The following GABRG3 variants were observed in gnomAD, a reference collection of about 807,000 sequenced individuals.
GABRG3 encodes gamma-aminobutyric acid receptor subunit gamma-3.
A neutral mutation model predicts 48.8 loss-of-function variants in GABRG3; 25 were observed. That is an observed-to-expected ratio of 0.51 (90% CI 0.37 to 0.72). The LOEUF is 0.72. Among genes scored for constraint, GABRG3 ranks in the 30% least tolerant of loss-of-function variants. GABRG3 has a pLI of 0.00. For synonymous variants in GABRG3, 227 were observed against 217.6 expected, an observed-to-expected ratio of 1.04 and a Z score of -0.38; for missense variants, 394 against 577.9, an observed-to-expected ratio of 0.68 and a Z score of 3.26.
chr15:27,358,185 A>G (rs1410370620), intron 5 of GABRG3, among the ~76,000 whole-genome samples: 2 of 152,210 alleles, frequency 1.3e-5, no homozygotes, highest in African/African-American at 2.4e-5. Flanking sequence ...TTGTTTTCTT[A>G]GAAGTGACAG....
chr15:27,338,908 A>G (rs74391840), intron 5 of GABRG3, among the ~76,000 whole-genome samples: 8,341 of 152,248 alleles, frequency 0.055, 444 homozygotes, highest in African/African-American at 0.14. Flanking sequence ...TTAGTCATCC[A>G]AATGCTTCAT....
Position 27,223,753 on chromosome 15 carries a change from C to T in GABRG3, c.271-103056C>T, listed in dbSNP as rs1424821577. ...CTTCACACTCACTGTGCTCTTGCCT[C>T]CCCTGCTGGGCAACACTCAGGTGAA... On this transcript the variant is annotated intron_variant, in intron 3 of 9. Transcript: ENST00000615808. 2.0e-5 allele frequency among the ~76,000 whole-genome samples: 3 copies of T among 152,284 alleles called. No homozygotes were observed. In the East Asian group the frequency reaches 5.8e-4, roughly 29 times the overall value.
intron 3 of GABRG3, among the ~76,000 whole-genome samples, chr15:27,316,387 C>CA (rs749930128): frequency 0.061 from 2,472 of 40,218 alleles, 139 homozygotes; most frequent in African/African-American, 0.11. Flanking sequence ...GACTCCGTCT[C>CA]AAAAAAAAAA....
At chr15:27,106,997 C>T (rs1897461291) in intron 3 of GABRG3, among the ~76,000 whole-genome samples, 1 of 152,030 alleles carries the variant, frequency 6.6e-6, no homozygotes. Flanking sequence ...TTCAATTTTA[C>T]ACATTCCTTT....
chr15:27,499,881 T>TGGGAGGA (rs1430159075), intron 6 of GABRG3, among the ~76,000 whole-genome samples: 1 of 152,164 alleles, frequency 6.6e-6, no homozygotes, highest in African/African-American at 2.4e-5. Context: ...ACCCAAAGGA[T>TGGGAGGA]GGGAGGAGCT....
chr15:27,096,517 G>A (rs2140761545), intron 3 of GABRG3, among the ~76,000 whole-genome samples: 1 of 152,318 alleles, frequency 6.6e-6, no homozygotes, highest in East Asian at 1.9e-4. Context: ...CTTAGGACAA[G>A]GATCTCTGCA....
At chr15:27,263,351 T>A (rs1890820506) in intron 3 of GABRG3, among the ~76,000 whole-genome samples, 1 of 152,156 alleles carries the variant, frequency 6.6e-6, no homozygotes, top group Admixed American at 6.5e-5. Flanking sequence ...CTGCAATATG[T>A]AATGCTGTTT....
intron 5 of GABRG3, among the ~76,000 whole-genome samples, chr15:27,388,154 GGAA>G (rs1306352095): frequency 1.2e-5 from 1 of 85,912 alleles, no homozygotes; most frequent in South Asian, 5.2e-4. Flanking sequence ...AAGGAAGGAA[GGAA>G]GAAAGGAAGG....
chr15:27,026,731 C>T lies in GABRG3; in HGVS notation c.203-23C>T. On this transcript the variant is annotated intron_variant, in intron 2 of 9. Transcript: ENST00000615808. ...GTCTTTCTCCGGCACGAAGTATTAACATACATGTATTTTTCTCCACAGTAA... is the reference window on the plus strand; with the variant it reads ...GTCTTTCTCCGGCACGAAGTATTAATATACATGTATTTTTCTCCACAGTAA... 2 of 1,587,166 alleles carry T rather than the reference C, an allele frequency of 1.3e-6. 1 individual carries two copies. The highest frequency in any genetic ancestry group is 2.3e-5 in the South Asian group (2 of 88,534).
intron 5 of GABRG3, among the ~76,000 whole-genome samples, chr15:27,391,533 C>T (rs1239011957): frequency 2.0e-5 from 3 of 152,084 alleles, no homozygotes; most frequent in Admixed American, 1.3e-4. Context: ...TAACACCTTC[C>T]CTGTATTCGT....
intron 5 of GABRG3, among the ~76,000 whole-genome samples, chr15:27,339,040 C>T (rs1229198665): frequency 1.3e-5 from 2 of 152,198 alleles, no homozygotes; most frequent in East Asian, 3.9e-4. Flanking sequence ...GGCCTTCCCC[C>T]ATGTCTTTTG....
intron 6 of GABRG3, among the ~76,000 whole-genome samples, chr15:27,509,915 C>A (rs2150857986): frequency 6.6e-6 from 1 of 152,276 alleles, no homozygotes; most frequent in East Asian, 1.9e-4. Flanking sequence ...ATAATTTTAT[C>A]TGGAAGCTAG....
intron 3 of GABRG3, among the ~76,000 whole-genome samples, chr15:27,137,460 A>G (rs1368511541): frequency 6.6e-6 from 1 of 152,208 alleles, no homozygotes; most frequent in African/African-American, 2.4e-5. Flanking sequence ...AATGCTGGCA[A>G]GATTCTCTTT....
At chr15:27,020,968 A>G (rs1895883575) in intron 2 of GABRG3, among the ~76,000 whole-genome samples, 1 of 152,220 alleles carries the variant, frequency 6.6e-6, no homozygotes. Flanking sequence ...CAAAAGTAAG[A>G]CAGTGCTAGG....
intron 3 of GABRG3, among the ~76,000 whole-genome samples, chr15:27,155,705 G>A (rs549800178): frequency 6.6e-6 from 1 of 152,264 alleles, no homozygotes; most frequent in South Asian, 2.1e-4. Flanking sequence ...GATAGGGAGG[G>A]AGTTCTAGCT....
At chr15:27,018,692 A>C (rs571852103) in intron 2 of GABRG3, among the ~76,000 whole-genome samples, 107 of 152,268 alleles carry the variant, frequency 7.0e-4, no homozygotes, top group Middle Eastern at 3.4e-3. Flanking sequence ...TTGGACCTTA[A>C]CTGAGCTGGA....
At chr15:27,141,916 T>G (rs183253736) in intron 3 of GABRG3, among the ~76,000 whole-genome samples, 1 of 152,222 alleles carries the variant, frequency 6.6e-6, no homozygotes, top group African/African-American at 2.4e-5. Context: ...TCTTTGCCAT[T>G]GCTTTCTGTC....
At chr15:27,078,673 AAG>A (rs1383032751) in intron 3 of GABRG3, among the ~76,000 whole-genome samples, 3 of 152,154 alleles carry the variant, frequency 2.0e-5, no homozygotes, top group African/African-American at 7.2e-5. Context: ...AGGGGATAAT[AAG>A]AGTGTCTTCT....
intron 3 of GABRG3, among the ~76,000 whole-genome samples, chr15:27,044,228 G>A (rs1003052974): frequency 6.6e-6 from 1 of 152,180 alleles, no homozygotes; most frequent in Non-Finnish European, 1.5e-5. Flanking sequence ...GTCAGGAGGG[G>A]AGATATTCAG....
Sources: gnomAD v4.1 joint callset for allele counts (sites outside exome capture counted in the v4.1 genomes callset) on GRCh38, gnomAD v4.1.1 for gene constraint, MANE v1.5 for transcripts, NCBI Gene and HGNC (gene_info 2026-07-23, HGNC 2026-07-21) for gene names.